Variants in MERTK observed in about 807,000 individuals in gnomAD.
MERTK encodes the protein tyrosine-protein kinase Mer.
Under a neutral mutation model 99.3 loss-of-function variants are expected in MERTK, and 69 were observed. The ratio of observed to expected loss-of-function variants is 0.70; its 90% confidence interval spans 0.57 to 0.85. The LOEUF is 0.85. Ranked by LOEUF, MERTK falls within the 40% of genes least tolerant of loss-of-function variation. The pLI, the probability that MERTK is intolerant of heterozygous loss-of-function variation, is 0.00. For missense variants in MERTK, 1,125 were observed against 1,249.4 expected (o/e 0.90, Z 1.50); for synonymous variants, 426 against 467.6 (o/e 0.91, Z 1.15).
chr2:111,902,892 C>T (rs1159203227), intron 1 of MERTK, among the ~76,000 whole-genome samples: 1 of 148,930 alleles, frequency 6.7e-6, no homozygotes, highest in Non-Finnish European at 1.5e-5. Context: ...AATTCTCCTG[C>T]CTCAGCCTTC....
At chr2:111,946,831 A>T (rs1684968925) in intron 3 of MERTK, among the ~76,000 whole-genome samples, 1 of 152,200 alleles carries the variant, frequency 6.6e-6, no homozygotes, top group African/African-American at 2.4e-5. Flanking sequence ...ACCAGTTCTG[A>T]GTCACTATTT....
At chr2:112,019,590 G>C in intron 16 of MERTK, 68 bp downstream of exon 16, 3 of 1,182,352 alleles carry the variant, frequency 2.5e-6, no homozygotes, top group South Asian at 2.4e-5. Flanking sequence ...GGGTTAGTGA[G>C]AGGACCTGTT....
In MERTK at chr2:111,945,357, A is replaced by G. The variant is rs115570167; in HGVS notation, c.583+297A>G. Among the ~76,000 whole-genome samples the G allele has an allele frequency of 3.8e-3, 572 of 152,330 alleles. 2 individuals are homozygous for G. The highest frequency in any genetic ancestry group is 0.013 in the African/African-American group (546 of 41,572). ...TATTGACAATAAAAATAAGCTGAAG[A>G]CTTCTTTTTAAGAAGCAAAATGCTT... On this transcript the variant is annotated intron_variant, in intron 3 of 18. Transcript: ENST00000295408.
At chr2:111,963,476 A>G (rs1685295347) in intron 4 of MERTK, among the ~76,000 whole-genome samples, 1 of 152,230 alleles carries the variant, frequency 6.6e-6, no homozygotes, top group Non-Finnish European at 1.5e-5. Context: ...AACCTTGGAC[A>G]ATACCTGGCT....
intron 2 of MERTK, among the ~76,000 whole-genome samples, chr2:111,938,056 T>C (rs935112393): frequency 2.0e-5 from 3 of 152,076 alleles, no homozygotes; most frequent in African/African-American, 7.2e-5. Context: ...CACTACTCTA[T>C]TTTTTATTTT....
chr2:111,912,138 G>T (rs1425098445), intron 1 of MERTK, among the ~76,000 whole-genome samples: 2 of 151,684 alleles, frequency 1.3e-5, no homozygotes, highest in African/African-American at 4.8e-5. Context: ...AAGTAGCTAG[G>T]ATTACAGGTG....
At chr2:111,981,772 A>G (rs1676377546) in intron 7 of MERTK, among the ~76,000 whole-genome samples, 1 of 151,942 alleles carries the variant, frequency 6.6e-6, no homozygotes, top group Non-Finnish European at 1.5e-5. Flanking sequence ...CACACTTTTT[A>G]AATGTGTTGA....
At chr2:111,993,263 A>G (rs1008689292) in intron 8 of MERTK, among the ~76,000 whole-genome samples, 3 of 152,146 alleles carry the variant, frequency 2.0e-5, no homozygotes, top group Non-Finnish European at 4.4e-5. Flanking sequence ...CCCCTTGGTC[A>G]TGAATGATGG....
chr2:112,002,470 T>C (rs528757210), intron 11 of MERTK, among the ~76,000 whole-genome samples: 46 of 152,274 alleles, frequency 3.0e-4, no homozygotes, highest in Non-Finnish European at 5.6e-4. Context: ...TGACTTATCT[T>C]CCTTACCCCT....
chr2:111,913,047 A>G (rs1253873469), intron 1 of MERTK: 1 of 985,206 alleles, frequency 1.0e-6, no homozygotes, highest in Non-Finnish European at 1.2e-6. Flanking sequence ...AGGCCTGGCG[A>G]AAGGTGAAAA....
Position 112,005,232 on chromosome 2 carries a change from T to A in MERTK, c.1867+1248T>A, listed in dbSNP as rs533223361. On this transcript the variant is annotated intron_variant, in intron 13 of 18. Coordinates refer to ENST00000295408, the MANE Select transcript of MERTK (RefSeq NM_006343.3). ...ACAGGCACCCACCAACACGCCTGGC[T>A]AAATTTTTGAATTTTTAGTAGAGAA... Among the ~76,000 whole-genome samples the A allele has an allele frequency of 2.8e-4, 43 of 152,236 alleles. 1 individual carries two copies. The highest frequency in any genetic ancestry group is 9.9e-4 in the African/African-American group (41 of 41,536).
chr2:111,912,782 C>CTG (rs1684277592), intron 1 of MERTK, among the ~76,000 whole-genome samples: 2 of 152,282 alleles, frequency 1.3e-5, no homozygotes, highest in South Asian at 4.1e-4. Context: ...TCACCCTTGG[C>CTG]TGTCACACAC....
intron 1 of MERTK, among the ~76,000 whole-genome samples, chr2:111,903,228 G>GCCC (rs1684078516): frequency 6.6e-6 from 1 of 152,184 alleles, no homozygotes; most frequent in South Asian, 2.1e-4. Context: ...AAGGAACCAA[G>GCCC]CCCCTGCATG....
At chr2:111,902,600 T>C (rs1293334018) in intron 1 of MERTK, among the ~76,000 whole-genome samples, 2 of 152,088 alleles carry the variant, frequency 1.3e-5, no homozygotes, top group African/African-American at 4.8e-5. Flanking sequence ...GGAACCTTTT[T>C]CCCAAGATCT....
intron 4 of MERTK, among the ~76,000 whole-genome samples, chr2:111,952,876 C>T (rs1685082576): frequency 6.6e-6 from 1 of 152,170 alleles, no homozygotes. Flanking sequence ...AATATGTGCC[C>T]TATATCACAT....
intron 2 of MERTK, among the ~76,000 whole-genome samples, chr2:111,941,774 G>A (rs548864106): frequency 1.4e-3 from 207 of 152,286 alleles, no homozygotes; most frequent in African/African-American, 4.8e-3. Flanking sequence ...TAATGCAGGT[G>A]CCTATTTTTA....
In MERTK at chr2:111,961,881, C is replaced by T. The variant is rs530692133; in HGVS notation, c.758-3310C>T. Among the ~76,000 whole-genome samples, 23 of 152,356 alleles carry T rather than the reference C, an allele frequency of 1.5e-4. No homozygotes were observed. In the East Asian group the frequency reaches 2.9e-3, roughly 19 times the overall value. ...CACTTGGCTGCAGCCGGGGCGCAGT[C>T]GTGGCCATGCAGACATCCGACCAGG... On this transcript the variant is annotated intron_variant, in intron 4 of 18. Transcript: ENST00000295408.
chr2:112,000,630 A>G (rs190291585), intron 10 of MERTK, among the ~76,000 whole-genome samples: 3 of 152,320 alleles, frequency 2.0e-5, no homozygotes, highest in Admixed American at 2.0e-4. Flanking sequence ...GCATATTAAC[A>G]TGATGTATCA....
At position 111,947,280 on chromosome 2, in the gene MERTK, C is replaced by T. The variant is rs544590381; in HGVS notation, c.584-114C>T. On this transcript the variant is annotated intron_variant, in intron 3 of 18. Transcript: ENST00000295408. ...AGAGCAAGACTCCATCCCCACCCGC[C>T]CCCCACAAAAAAAGAAATCTATTGC... is the stretch of plus-strand genomic sequence containing the variant. 29 of 625,458 alleles carry T rather than the reference C, an allele frequency of 4.6e-5. 1 individual carries two copies. Among genetic ancestry groups the T allele is most frequent in the South Asian group, 4.2e-4 (29 of 69,376 alleles). The allele number at this position is 625,458 out of a possible 1,614,324, so 38.7% of individuals were successfully genotyped here. A position where few individuals can be genotyped will look rare whatever the true frequency, so the allele number is the denominator to read the frequency against.
Sources: allele counts gnomAD v4.1 joint callset (sites outside exome capture counted in the v4.1 genomes callset), GRCh38; gene constraint gnomAD v4.1.1; transcripts MANE v1.5; gene names NCBI Gene and HGNC (gene_info 2026-07-23, HGNC 2026-07-21).